WDR76: variants seen among roughly 807,000 people sequenced by gnomAD.
The protein encoded by WDR76 is WD repeat-containing protein 76.
Under a neutral mutation model 70.2 loss-of-function variants are expected in WDR76, and 52 were observed. The ratio of observed to expected loss-of-function variants is 0.74; its 90% CI spans 0.59 to 0.93. The LOEUF is 0.93. Ranked by LOEUF, WDR76 falls within the 40% of genes least tolerant of loss-of-function variation. The probability of loss-of-function intolerance (pLI) is 0.00; values close to 1 mark genes in which losing one functional copy is unlikely to be tolerated. For missense variants in WDR76, 756 were observed against 760.2 expected, an observed-to-expected ratio of 0.99 and a Z score of 0.07; for synonymous variants, 292 against 271.1, an observed-to-expected ratio of 1.08 and a Z score of -0.76.
Position 43,828,182 on chromosome 15 carries a change from T to C in WDR76, c.278T>C (p.Ile93Thr), listed in dbSNP as rs1275647585. ...KTKIKKTCRR[I>T]IPPKMKNTSS... Reference sequence around the variant, plus strand: ...AAAATAAAGAAAACTTGCAGAAGGATTATACCTCCAAAGATGAAAAACACA... The same window carrying C: ...AAAATAAAGAAAACTTGCAGAAGGACTATACCTCCAAAGATGAAAAACACA... The change falls in exon 2 of 13, where the codon ATT (isoleucine) becomes ACT (threonine). Residue 93 changes from isoleucine (I) to threonine (T), a missense_variant. By Grantham distance (89) the Ile-to-Thr change is moderately conservative. Transcript: ENST00000263795. The C allele has an allele frequency of 6.2e-7, 1 of 1,614,142 alleles. No homozygotes were observed. Among genetic ancestry groups the C allele is most frequent in the African/African-American group, 1.3e-5 (1 of 75,026 alleles).
rs1041931304 is a variant in WDR76 at position 43,827,999 on chromosome 15, A to C, written c.95A>C (p.Tyr32Ser). Reference protein sequence around the residue: ...NEYKENQNIAYVSLRPAQTTV... With the variant: ...NEYKENQNIASVSLRPAQTTV... ...TATAAAGAAAATCAAAACATCGCTTATGTGTCTCTGAGACCAGCACAGACT... is the reference window on the plus strand; with the variant it reads ...TATAAAGAAAATCAAAACATCGCTTCTGTGTCTCTGAGACCAGCACAGACT... The change falls in exon 2 of 13, where the codon TAT becomes TCT. Residue 32 changes from tyrosine (Y) to serine (S), a missense_variant. By Grantham distance (144) the Tyr-to-Ser change is moderately radical (BLOSUM62 -2). Transcript: ENST00000263795. 9 of 1,608,298 alleles carry C rather than the reference A, an allele frequency of 5.6e-6. No homozygotes were observed. Among genetic ancestry groups the C allele is most frequent in the Non-Finnish European group, 7.6e-6 (9 of 1,178,656 alleles).
chr15:43,827,225 C>A, intron 1 of WDR76, 133 bp downstream of exon 1: 2 of 1,047,706 alleles, frequency 1.9e-6, no homozygotes, highest in South Asian at 1.5e-5. Context: ...CTTAGGCCTT[C>A]AGCTTTGACG....
At chr15:43,838,424 G>C (rs2087684360) in intron 4 of WDR76, among the ~76,000 whole-genome samples, 1 of 152,032 alleles carries the variant, frequency 6.6e-6, no homozygotes, top group Non-Finnish European at 1.5e-5. Flanking sequence ...GACCTCAAGT[G>C]ATCCACCCAC....
intron 10 of WDR76, among the ~76,000 whole-genome samples, chr15:43,857,976 T>C (rs2087950247): frequency 6.8e-6 from 1 of 148,056 alleles, no homozygotes; most frequent in Non-Finnish European, 1.5e-5. Context: ...TTTTTTTTTT[T>C]TTTTTTGAGA....
chr15:43,852,155 AATAAG>A (rs1341167431), intron 9 of WDR76, among the ~76,000 whole-genome samples: 2 of 152,228 alleles, frequency 1.3e-5, no homozygotes, highest in Non-Finnish European at 2.9e-5. Context: ...AGATTGCCTC[AATAAG>A]ATAAGTCTTA....
At chr15:43,848,031 C>T (rs2087809893) in intron 8 of WDR76, among the ~76,000 whole-genome samples, 1 of 151,694 alleles carries the variant, frequency 6.6e-6, no homozygotes, top group African/African-American at 2.4e-5. Context: ...TAATTTGAGA[C>T]CTGCCTAGGT....
At chr15:43,864,751 G>C (rs2088048664) in intron 12 of WDR76, among the ~76,000 whole-genome samples, 1 of 151,302 alleles carries the variant, frequency 6.6e-6, no homozygotes, top group Non-Finnish European at 1.5e-5. Flanking sequence ...GAGCCACAAT[G>C]CCTGGCTAAC....
intron 8 of WDR76, among the ~76,000 whole-genome samples, chr15:43,845,803 T>G (rs2087781371): frequency 6.6e-6 from 1 of 150,504 alleles, no homozygotes; most frequent in African/African-American, 2.4e-5. Flanking sequence ...TCTCTGAATT[T>G]ATTTTCTTAT....
chr15:43,834,148 T>C (rs1596067548), intron 2 of WDR76, among the ~76,000 whole-genome samples: 1 of 152,142 alleles, frequency 6.6e-6, no homozygotes, highest in East Asian at 1.9e-4. Context: ...TCTTACAGTA[T>C]TTTGCTATTT....
chr15:43,854,814 G>A (rs1415848963), intron 9 of WDR76, among the ~76,000 whole-genome samples: 1 of 152,092 alleles, frequency 6.6e-6, no homozygotes, highest in Admixed American at 6.6e-5. Context: ...GATGGGCATG[G>A]TGGCTCACGC....
intron 1 of WDR76, 165 bp downstream of exon 1, chr15:43,827,257 G>GAGAAAT: frequency 2.7e-6 from 2 of 745,186 alleles, no homozygotes; most frequent in Non-Finnish European, 4.3e-6. Context: ...TCAATAACCC[G>GAGAAAT]AGAAATAGTG....
chr15:43,827,182 C>G (rs1432925983), intron 1 of WDR76, 90 bp downstream of exon 1: 11 of 1,559,564 alleles, frequency 7.1e-6, no homozygotes, highest in South Asian at 4.5e-5. Context: ...GTCGAGGGCA[C>G]CTGGCACCGG....
chr15:43,858,206 C>T (rs1260416441), intron 10 of WDR76, among the ~76,000 whole-genome samples: 1 of 151,840 alleles, frequency 6.6e-6, no homozygotes, highest in Admixed American at 6.6e-5. Flanking sequence ...GCTGGGATTA[C>T]AGGCGTGAGC....
chr15:43,858,471 C>A lies in WDR76; in HGVS notation c.1410-200C>A, dbSNP rs543667077. 7 of 551,350 alleles carry A rather than the reference C, an allele frequency of 1.3e-5. No individual in the cohort carries two copies. In the East Asian group the frequency reaches 2.4e-4, roughly 19 times the overall value. The allele number at this position is 551,350 out of a possible 1,614,324, so 34.2% of individuals were successfully genotyped here. On this transcript the variant is annotated intron_variant, in intron 10 of 12. Transcript: ENST00000263795. ...TCCATGTTGAGGCTGGTTTCGAACT[C>A]CTGATCTCAGATGATCCACCTGCCT...
At chr15:43,847,773 T>G (rs2087807309) in intron 8 of WDR76, among the ~76,000 whole-genome samples, 1 of 152,128 alleles carries the variant, frequency 6.6e-6, no homozygotes, top group African/African-American at 2.4e-5. Flanking sequence ...GCCAGGCTGA[T>G]CTGGAACTCC....
intron 11 of WDR76, among the ~76,000 whole-genome samples, chr15:43,860,946 G>T (rs1186541797): frequency 1.9e-5 from 2 of 102,918 alleles, no homozygotes; most frequent in East Asian, 2.9e-4. Flanking sequence ...TGTAGACAAG[G>T]TTCTCGCTCT....
At chr15:43,858,871 A>C (rs1004739328) in intron 11 of WDR76, 48 bp downstream of exon 11, 5 of 1,585,402 alleles carry the variant, frequency 3.2e-6, no homozygotes, top group Non-Finnish European at 4.3e-6. Context: ...AAGAGTCTAT[A>C]GCTACTGTGT....
intron 1 of WDR76, 83 bp from the exon 2 acceptor site, chr15:43,827,879 AATT>A (rs1166813298): frequency 1.5e-6 from 2 of 1,337,614 alleles, no homozygotes; most frequent in African/African-American, 3.0e-5. Context: ...GGGAAATGGG[AATT>A]ATTAGATCTG....
intron 9 of WDR76, among the ~76,000 whole-genome samples, chr15:43,852,894 A>G (rs2087879964): frequency 6.6e-6 from 1 of 151,570 alleles, no homozygotes; most frequent in Non-Finnish European, 1.5e-5. Context: ...CTTTCTTTAT[A>G]TATTTATTTT....
Sources: allele counts gnomAD v4.1 joint callset (sites outside exome capture counted in the v4.1 genomes callset), GRCh38; gene constraint gnomAD v4.1.1; transcripts MANE v1.5; gene names NCBI Gene and HGNC (gene_info 2026-07-23, HGNC 2026-07-21).